The following ELMO1 variants were observed in gnomAD, a reference collection of about 807,000 sequenced individuals.
The protein encoded by ELMO1 is engulfment and cell motility protein 1.
A neutral mutation model predicts 98.9 loss-of-function variants in ELMO1; 26 were observed. The ratio of observed to expected loss-of-function variants is 0.26; its 90% confidence interval spans 0.19 to 0.36. The LOEUF is 0.36. Among genes scored for constraint, ELMO1 ranks in the 10% least tolerant of loss-of-function variants. The probability of loss-of-function intolerance (pLI) is 1.00; values close to 1 mark genes in which losing one functional copy is unlikely to be tolerated. For missense variants in ELMO1, 627 were observed against 935.2 expected, an observed-to-expected ratio of 0.67 and a Z score of 4.30; for synonymous variants, 346 against 346.0, an observed-to-expected ratio of 1.00 and a Z score of 0.00.
chr7:36,943,090 G>A (rs1787186551), intron 16 of ELMO1, among the ~76,000 whole-genome samples: 1 of 152,198 alleles, frequency 6.6e-6, no homozygotes, highest in Non-Finnish European at 1.5e-5. Flanking sequence ...TGCTCATGGT[G>A]AGGGCTACTG....
At chr7:36,979,878 A>G (rs920657416) in intron 16 of ELMO1, among the ~76,000 whole-genome samples, 2 of 152,194 alleles carry the variant, frequency 1.3e-5, no homozygotes, top group African/African-American at 4.8e-5. Context: ...CCATTAGCTC[A>G]TGGGTGTTTC....
intron 16 of ELMO1, among the ~76,000 whole-genome samples, chr7:36,983,185 T>C (rs1251335223): frequency 1.3e-5 from 2 of 152,216 alleles, no homozygotes; most frequent in East Asian, 3.8e-4. Context: ...GGAACTGGTC[T>C]CCTAGGTAAA....
intron 2 of ELMO1, among the ~76,000 whole-genome samples, chr7:37,338,341 G>A (rs1467491114): frequency 6.6e-6 from 1 of 152,150 alleles, no homozygotes; most frequent in Non-Finnish European, 1.5e-5. Flanking sequence ...CCCCCATGGT[G>A]GTGGTATAAA....
At chr7:37,128,824 G>A (rs1786703013) in intron 14 of ELMO1, among the ~76,000 whole-genome samples, 1 of 152,114 alleles carries the variant, frequency 6.6e-6, no homozygotes, top group African/African-American at 2.4e-5. Flanking sequence ...TGTGCCAGGG[G>A]CTAGAATATA....
At chr7:36,959,919 G>A (rs1788801154) in intron 16 of ELMO1, among the ~76,000 whole-genome samples, 1 of 152,114 alleles carries the variant, frequency 6.6e-6, no homozygotes, top group Non-Finnish European at 1.5e-5. Context: ...GACCTCAAAT[G>A]ATCTGTCCAC....
chr7:37,033,382 G>C (rs190932264), intron 15 of ELMO1: 1 of 455,448 alleles, frequency 2.2e-6, no homozygotes, highest in Non-Finnish European at 4.4e-6. Context: ...TCGTGTTCAC[G>C]GCAGTGTGAA....
chr7:37,055,786 C>T (rs891634848), intron 15 of ELMO1, among the ~76,000 whole-genome samples: 7 of 152,144 alleles, frequency 4.6e-5, no homozygotes, highest in African/African-American at 1.7e-4. Context: ...TAGTGGGCAC[C>T]ATCATCCTCA....
At chr7:37,232,035 T>G (rs952336010) in intron 8 of ELMO1, among the ~76,000 whole-genome samples, 1 of 152,112 alleles carries the variant, frequency 6.6e-6, no homozygotes, top group Non-Finnish European at 1.5e-5. Flanking sequence ...GTAGTTTTCA[T>G]AGAGACGAGG....
At chr7:37,027,457 TA>T (rs1794644921) in intron 15 of ELMO1, among the ~76,000 whole-genome samples, 1 of 152,144 alleles carries the variant, frequency 6.6e-6, no homozygotes, top group Admixed American at 6.5e-5. Context: ...AAGGACTGCA[TA>T]ACATTGTCAA....
At chr7:37,154,509 C>T (rs755111815) in intron 13 of ELMO1, among the ~76,000 whole-genome samples, 5 of 152,146 alleles carry the variant, frequency 3.3e-5, no homozygotes, top group Non-Finnish European at 7.3e-5. Context: ...ACGAGAACTG[C>T]GTGAAGCATA....
At chr7:36,931,024 A>G (rs1295026948) in intron 16 of ELMO1, among the ~76,000 whole-genome samples, 1 of 152,180 alleles carries the variant, frequency 6.6e-6, no homozygotes, top group Non-Finnish European at 1.5e-5. Flanking sequence ...ATTTTTGTCA[A>G]TTTGATAGTT....
chr7:37,252,138 T>A (rs1038828324), intron 6 of ELMO1, among the ~76,000 whole-genome samples: 4 of 152,190 alleles, frequency 2.6e-5, no homozygotes, highest in African/African-American at 9.7e-5. Context: ...ATCAATATCA[T>A]GAAAATGGCC....
At chr7:36,962,703 AG>A (rs1789060247) in intron 16 of ELMO1, among the ~76,000 whole-genome samples, 1 of 152,158 alleles carries the variant, frequency 6.6e-6, no homozygotes, top group South Asian at 2.1e-4. Flanking sequence ...AGCACAACAA[AG>A]GAAATCTAAA....
intron 16 of ELMO1, among the ~76,000 whole-genome samples, chr7:36,998,136 G>T (rs909151582): frequency 3.3e-5 from 5 of 152,036 alleles, no homozygotes; most frequent in Non-Finnish European, 7.4e-5. Context: ...GGGGGTGGGG[G>T]AGGATGCGAA....
intron 5 of ELMO1, among the ~76,000 whole-genome samples, chr7:37,266,452 A>G (rs867251879): frequency 6.6e-6 from 1 of 152,198 alleles, no homozygotes; most frequent in Non-Finnish European, 1.5e-5. Flanking sequence ...AGCAAGGATT[A>G]TGCTTACAGC....
intron 1 of ELMO1, among the ~76,000 whole-genome samples, chr7:37,358,907 G>A (rs1046130227): frequency 6.6e-6 from 1 of 152,160 alleles, no homozygotes; most frequent in Non-Finnish European, 1.5e-5. Flanking sequence ...GACTTGGGCT[G>A]GAGTGGTCGT....
intron 16 of ELMO1, among the ~76,000 whole-genome samples, chr7:37,005,549 A>T (rs1793022659): frequency 6.6e-6 from 1 of 151,880 alleles, no homozygotes; most frequent in African/African-American, 2.4e-5. Flanking sequence ...AAAATTAACC[A>T]GGCCTCGTGG....
chr7:36,891,935 T>G (rs1049171214), intron 17 of ELMO1, among the ~76,000 whole-genome samples: 1 of 152,226 alleles, frequency 6.6e-6, no homozygotes, highest in African/African-American at 2.4e-5. Flanking sequence ...TCAAGCTTTT[T>G]ATATCCATTA....
intron 4 of ELMO1, among the ~76,000 whole-genome samples, chr7:37,296,655 C>G (rs1263999992): frequency 1.3e-3 from 1 of 750 alleles, no homozygotes; most frequent in East Asian, 0.12. Context: ...TCTCAGAATT[C>G]CACTTACCAT....
Sources: allele counts gnomAD v4.1 joint callset (sites outside exome capture counted in the v4.1 genomes callset), GRCh38; gene constraint gnomAD v4.1.1; transcripts MANE v1.5; gene names NCBI Gene and HGNC (gene_info 2026-07-23, HGNC 2026-07-21).